The following TMEM268 variants were observed in gnomAD, a reference collection of about 807,000 sequenced individuals.
TMEM268 encodes transmembrane protein C9orf91.
In TMEM268, 24 loss-of-function variants were observed where a neutral mutation model predicts 39.1. The observed-to-expected ratio is 0.61, with a 90% CI of 0.44 to 0.86. The LOEUF (loss-of-function observed/expected upper bound fraction) is 0.86, where lower values mean the gene tolerates loss of function less well. TMEM268 is among the 40% of genes least tolerant of loss of function. TMEM268 has a pLI of 0.00. For synonymous variants in TMEM268, 176 were observed against 173.5 expected (o/e 1.01, Z -0.12); for missense variants, 409 against 428.6 (o/e 0.95, Z 0.40).
At chr9:114,618,433 T>C (rs1845819970) in intron 2 of TMEM268, among the ~76,000 whole-genome samples, 1 of 151,978 alleles carries the variant, frequency 6.6e-6, no homozygotes, top group Non-Finnish European at 1.5e-5. Context: ...GGTGGGCAGA[T>C]CACTTGAGGT....
intron 5 of TMEM268, among the ~76,000 whole-genome samples, chr9:114,629,195 T>C (rs1298769668): frequency 2.0e-5 from 3 of 152,252 alleles, no homozygotes; most frequent in African/African-American, 7.2e-5. Context: ...ACCATGAACT[T>C]ATTGGATTAA....
At chr9:114,636,486 TTTTC>T (rs1846642216) in intron 6 of TMEM268, among the ~76,000 whole-genome samples, 1 of 145,996 alleles carries the variant, frequency 6.8e-6, no homozygotes, top group South Asian at 2.4e-4. Flanking sequence ...GGGTTTAACT[TTTTC>T]TTTTCTTTTC....
chr9:114,635,353 A>C (rs1846587533), intron 6 of TMEM268, among the ~76,000 whole-genome samples: 2 of 151,366 alleles, frequency 1.3e-5, no homozygotes, highest in African/African-American at 4.9e-5. Context: ...CCATCTCAAA[A>C]AAAAAAAATA....
At chr9:114,609,947 G>T (rs1227296017), upstream of TMEM268, among the ~76,000 whole-genome samples, 1 of 152,168 alleles carries the variant, frequency 6.6e-6, no homozygotes, top group African/African-American at 2.4e-5. Context: ...TGTCAGCAAG[G>T]CTGGAAATCA....
At chr9:114,625,461 T>C (rs1436849962) in intron 3 of TMEM268, among the ~76,000 whole-genome samples, 4 of 115,232 alleles carry the variant, frequency 3.5e-5, no homozygotes, top group African/African-American at 1.0e-4. Context: ...TTTTTTTTTT[T>C]CAAGATAGAG....
rs200570094 is a variant in TMEM268, at chr9:114,617,881, T to A, written c.106+580T>A. 7.6e-4 allele frequency among the ~76,000 whole-genome samples: 101 copies of A among 132,216 alleles called. 1 individual carries two copies. The East Asian group carries it at 0.015, about 20-fold the overall frequency. The allele number at this position is 132,216 out of a possible 152,430, so 86.7% of individuals were successfully genotyped here. ...GGCCCAGAGGTTTTTAATTTTTTAT[T>A]TTTTTTATTTTTTGAGATGGAGTCC... On this transcript the variant is annotated intron_variant, in intron 2 of 8. Transcript: ENST00000288502.
chr9:114,609,294 G>A (rs959126066), upstream of TMEM268, among the ~76,000 whole-genome samples: 2 of 151,522 alleles, frequency 1.3e-5, no homozygotes, highest in African/African-American at 4.9e-5. Flanking sequence ...CTGGGTGACA[G>A]AGCGAGACCC....
intron 7 of TMEM268, among the ~76,000 whole-genome samples, chr9:114,637,374 C>A (rs2133702389): frequency 6.7e-6 from 1 of 149,600 alleles, no homozygotes; most frequent in African/African-American, 2.5e-5. Context: ...CTCACTGCAG[C>A]CTTCGCTTCG....
At chr9:114,639,864 C>T (rs969398170) in intron 8 of TMEM268, among the ~76,000 whole-genome samples, 4 of 149,302 alleles carry the variant, frequency 2.7e-5, no homozygotes, top group African/African-American at 9.8e-5. Context: ...GGATTACAGG[C>T]ATGAGCCACC....
rs775816921 is a variant in TMEM268, at chr9:114,626,976, C to T, written c.294C>T (p.Asn98=). Residue 98 remains asparagine, a synonymous_variant, in exon 4 of 9, where the codon AAC becomes AAT. Transcript: ENST00000288502. ...EPQVRRYIIY[N]SRPMRLAFAV... ...AAGTGAGAAGATATATCATCTACAA[C>T]TCGAGGCCTATGCGGCTGGCCTTTG... is the stretch of plus-strand genomic sequence containing the variant. 4.3e-5 allele frequency: 69 copies of T among 1,613,168 alleles called. 1 individual carries two copies. The East Asian group carries it at 1.5e-3, about 36-fold the overall frequency.
At position 114,617,132 on chromosome 9, in the gene TMEM268, G is replaced by A. The variant is rs1845748019; in HGVS notation, c.-64G>A. On this transcript the variant is annotated 5_prime_UTR_variant, in exon 2 of 9. Transcript: ENST00000288502. Reference sequence around the variant, plus strand: ...GTTTTCTGAAGGCATATGATGCTGAGCTGGCTGCTCCAGAATGAACCACAG... The same window carrying A: ...GTTTTCTGAAGGCATATGATGCTGAACTGGCTGCTCCAGAATGAACCACAG... 1.8e-6 allele frequency: 2 copies of A among 1,098,256 alleles called. No homozygotes were observed. 68.0% of individuals were successfully genotyped at this position (1,098,256 alleles called of 1,614,324 possible). A position where few individuals can be genotyped will look rare whatever the true frequency, so the allele number is the denominator to read the frequency against.
chr9:114,609,379 T>A (rs538845158), upstream of TMEM268, among the ~76,000 whole-genome samples: 1 of 150,780 alleles, frequency 6.6e-6, no homozygotes. Flanking sequence ...CATCTACTTA[T>A]AGAAATGGGC....
At chr9:114,610,305 C>T (rs1015289645), upstream of TMEM268, among the ~76,000 whole-genome samples, 6 of 152,186 alleles carry the variant, frequency 3.9e-5, no homozygotes, top group African/African-American at 1.4e-4. Context: ...TCCCAAAGTG[C>T]TGGGATTACA....
intron 6 of TMEM268, among the ~76,000 whole-genome samples, chr9:114,635,678 C>CA (rs879370103): frequency 2.0e-4 from 29 of 147,640 alleles, no homozygotes; most frequent in East Asian, 1.2e-3. Flanking sequence ...GACCCTGTCT[C>CA]AAAAAAAAAA....
chr9:114,611,667 C>G (rs1419048555), intron 1 of TMEM268, 103 bp downstream of exon 1: 3 of 153,030 alleles, frequency 2.0e-5, no homozygotes, highest in Non-Finnish European at 4.4e-5. Flanking sequence ...CCGCCTTGGC[C>G]TGCGTTCGGG....
chr9:114,638,760 C>G, intron 8 of TMEM268, 34 bp downstream of exon 8: 1 of 1,481,928 alleles, frequency 6.7e-7, no homozygotes, highest in Non-Finnish European at 9.0e-7. Context: ...GGGCCATCTT[C>G]CCTCGGGGGA....
chr9:114,639,987 C>A (rs7857127), intron 8 of TMEM268, among the ~76,000 whole-genome samples: 1 of 150,570 alleles, frequency 6.6e-6, no homozygotes, highest in Non-Finnish European at 1.5e-5. Flanking sequence ...TGAGCTCAAG[C>A]GATCCACCCG....
chr9:114,626,910 C>T lies in TMEM268; in HGVS notation c.228C>T (p.Asp76=). ...LQTWGIQVPA[D]QYRSLAESAL... ...TGGGTTCCAAGCAGGTCCCGGCTGACCAGTACAGGAGCTTGGCTGAGAGTG... is the reference window on the plus strand; with the variant it reads ...TGGGTTCCAAGCAGGTCCCGGCTGATCAGTACAGGAGCTTGGCTGAGAGTG... The change falls in exon 4 of 9, where the codon GAC becomes GAT. Residue 76 remains aspartate, a synonymous_variant. Transcript: ENST00000288502. The T allele has an allele frequency of 6.2e-7, 1 of 1,609,852 alleles. No homozygotes were observed. Among genetic ancestry groups the T allele is most frequent in the South Asian group, 1.1e-5 (1 of 90,934 alleles).
chr9:114,633,455 TG>T (rs1332876607), intron 5 of TMEM268, among the ~76,000 whole-genome samples: 1 of 152,068 alleles, frequency 6.6e-6, no homozygotes, highest in Non-Finnish European at 1.5e-5. Flanking sequence ...CCACCGCGCC[TG>T]GCCCCACGTA....
Sources: allele counts gnomAD v4.1 joint callset (sites outside exome capture counted in the v4.1 genomes callset), GRCh38; gene constraint gnomAD v4.1.1; transcripts MANE v1.5; gene names NCBI Gene and HGNC (gene_info 2026-07-23, HGNC 2026-07-21).